Variants in CCSER1 observed in about 807,000 individuals in gnomAD.
The protein encoded by CCSER1 is serine-rich coiled-coil domain-containing protein 1.
Under a neutral mutation model 82.0 loss-of-function variants are expected in CCSER1, and 41 were observed. The ratio of observed to expected loss-of-function variants is 0.50; its 90% CI spans 0.39 to 0.65. The LOEUF (loss-of-function observed/expected upper bound fraction) is 0.65. Ranked by LOEUF, CCSER1 falls within the 30% of genes least tolerant of loss-of-function variation. The pLI is 0.00. For synonymous variants in CCSER1, 414 were observed against 383.9 expected, an observed-to-expected ratio of 1.08 and a Z score of -0.92; for missense variants, 1,119 against 1,064.2, an observed-to-expected ratio of 1.05 and a Z score of -0.72.
At chr4:91,570,254 T>C (rs2110281786) in intron 10 of CCSER1, among the ~76,000 whole-genome samples, 1 of 152,280 alleles carries the variant, frequency 6.6e-6, no homozygotes, top group Non-Finnish European at 1.5e-5. Context: ...CTTTGGCTTT[T>C]CCAGGTACAC....
intron 9 of CCSER1, among the ~76,000 whole-genome samples, chr4:90,946,474 T>C (rs900538470): frequency 6.6e-6 from 1 of 151,938 alleles, no homozygotes; most frequent in African/African-American, 2.4e-5. Context: ...CTACTAAAAA[T>C]ACGAAAATTA....
intron 10 of CCSER1, among the ~76,000 whole-genome samples, chr4:91,126,011 G>A (rs551155800): frequency 3.2e-4 from 49 of 151,378 alleles, no homozygotes; most frequent in African/African-American, 1.1e-3. Flanking sequence ...TCCAATATAC[G>A]GACTCTTGAT....
chr4:90,835,465 C>T (rs1216665976), intron 8 of CCSER1, among the ~76,000 whole-genome samples: 1 of 152,162 alleles, frequency 6.6e-6, no homozygotes, highest in Non-Finnish European at 1.5e-5. Context: ...ATATTTAAGG[C>T]CTCTTTTACT....
At chr4:90,405,809 A>G (rs137929798) in intron 4 of CCSER1, among the ~76,000 whole-genome samples, 1,546 of 152,264 alleles carry the variant, frequency 0.01, 17 homozygotes, top group South Asian at 0.03. Context: ...ACAAATAAAC[A>G]CTGAAATAAT....
intron 7 of CCSER1, among the ~76,000 whole-genome samples, chr4:90,764,828 T>C (rs1052773412): frequency 1.3e-5 from 2 of 152,130 alleles, no homozygotes; most frequent in East Asian, 1.9e-4. Flanking sequence ...CTAACTTAGA[T>C]ATTGGTAGCA....
chr4:90,758,219 G>A (rs1391482796), intron 7 of CCSER1, among the ~76,000 whole-genome samples: 2 of 152,116 alleles, frequency 1.3e-5, no homozygotes, highest in Admixed American at 6.5e-5. Context: ...TTACAGGTGT[G>A]TAGTCCTTGT....
intron 1 of CCSER1, among the ~76,000 whole-genome samples, chr4:90,295,687 A>G (rs1279043613): frequency 6.6e-6 from 1 of 152,026 alleles, no homozygotes; most frequent in Non-Finnish European, 1.5e-5. Context: ...TATTCCAGAT[A>G]TTAATTATCT....
At chr4:91,110,325 T>C (rs2148870422) in intron 10 of CCSER1, among the ~76,000 whole-genome samples, 1 of 152,150 alleles carries the variant, frequency 6.6e-6, no homozygotes, top group South Asian at 2.1e-4. Flanking sequence ...GCTTGCTCCT[T>C]ATAGGATTGT....
chr4:91,077,309 G>T (rs928145063), intron 9 of CCSER1, among the ~76,000 whole-genome samples: 1 of 152,120 alleles, frequency 6.6e-6, no homozygotes, highest in Non-Finnish European at 1.5e-5. Context: ...TCACTCACAG[G>T]TAACTTAACT....
In CCSER1 at chr4:90,168,723, T is replaced by G. The variant is rs187499724; in HGVS notation, c.-42+40892T>G. On this transcript the variant is annotated intron_variant, in intron 1 of 10. Transcript: ENST00000509176. ...AGCCAGTTTTCCCAGCACCATTTAT[T>G]AAATAGGGAATCCTTTCCCCATTTC... is the stretch of plus-strand genomic sequence containing the variant. Among the ~76,000 whole-genome samples the G allele has an allele frequency of 7.0e-3, 1,060 of 151,170 alleles. 13 individuals carry two copies. The highest frequency in any genetic ancestry group is 0.025 in the African/African-American group (1,021 of 40,842).
intron 4 of CCSER1, among the ~76,000 whole-genome samples, chr4:90,422,693 G>A (rs1381398136): frequency 1.3e-5 from 2 of 152,048 alleles, no homozygotes; most frequent in Non-Finnish European, 2.9e-5. Context: ...CCAGATATGG[G>A]ATTCTTAACC....
At chr4:91,031,137 C>T (rs67455207) in intron 9 of CCSER1, among the ~76,000 whole-genome samples, 51,598 of 152,056 alleles carry the variant, frequency 0.34, 10,580 homozygotes, top group East Asian at 0.58. Context: ...ATGATGTTCA[C>T]GTTTAGGCAG....
intron 8 of CCSER1, among the ~76,000 whole-genome samples, chr4:90,896,671 C>A (rs1426332712): frequency 6.6e-6 from 1 of 151,784 alleles, no homozygotes; most frequent in Non-Finnish European, 1.5e-5. Flanking sequence ...AAATCCAATA[C>A]TGGGAGCACT....
At chr4:91,331,241 C>A (rs977302503) in intron 10 of CCSER1, among the ~76,000 whole-genome samples, 35 of 152,112 alleles carry the variant, frequency 2.3e-4, no homozygotes, top group African/African-American at 8.4e-4. Flanking sequence ...ATTGCTATTT[C>A]TTTAATATCC....
chr4:91,526,668 G>A lies in CCSER1; in HGVS notation c.2218-71904G>A, dbSNP rs189662351. 3.8e-4 allele frequency among the ~76,000 whole-genome samples: 58 copies of A among 152,152 alleles called. 2 individuals are homozygous for A. The East Asian group carries it at 0.011, about 28-fold the overall frequency. On this transcript the variant is annotated intron_variant, in intron 10 of 10. Coordinates refer to ENST00000509176, the MANE Select transcript of CCSER1 (RefSeq NM_001145065.2). ...TGCCCAGGCTGGAGTGCAATGATGC[G>A]ATCTTGGCTCACTGCAACCTCTGCC...
rs1203193734 is a variant in CCSER1, at chr4:91,152,383, A to C, written c.2217+66389A>C. Among the ~76,000 whole-genome samples, 5 of 152,240 alleles carry C rather than the reference A, an allele frequency of 3.3e-5. No homozygotes were observed. The East Asian group carries it at 9.7e-4, about 29-fold the overall frequency. ...CTATGTGTGTCTCTGCACATGAGAT[A>C]GGTCTCCTGAATACAGCACACTGAT... On this transcript the variant is annotated intron_variant, in intron 10 of 10. Transcript: ENST00000509176.
intron 5 of CCSER1, among the ~76,000 whole-genome samples, chr4:90,529,846 T>C (rs913222174): frequency 6.6e-6 from 1 of 151,970 alleles, no homozygotes; most frequent in Non-Finnish European, 1.5e-5. Context: ...TTAGGGAACG[T>C]TGCTCTATTA....
intron 10 of CCSER1, among the ~76,000 whole-genome samples, chr4:91,358,076 C>T (rs1748976977): frequency 6.6e-6 from 1 of 151,880 alleles, no homozygotes; most frequent in Non-Finnish European, 1.5e-5. Flanking sequence ...TTAATAAGAC[C>T]TTGTTTAGTC....
At chr4:90,344,266 A>G (rs1269203358) in intron 3 of CCSER1, among the ~76,000 whole-genome samples, 1 of 152,198 alleles carries the variant, frequency 6.6e-6, no homozygotes, top group Non-Finnish European at 1.5e-5. Flanking sequence ...TATGTGTACC[A>G]CATTCATTTA....
Sources: allele counts gnomAD v4.1 joint callset (sites outside exome capture counted in the v4.1 genomes callset), GRCh38; gene constraint gnomAD v4.1.1; transcripts MANE v1.5; gene names NCBI Gene and HGNC (gene_info 2026-07-23, HGNC 2026-07-21).